Variants in GRIA2 observed in about 807,000 individuals in gnomAD.
GRIA2 encodes glutamate ionotropic receptor AMPA type subunit 2, also known as glutamate receptor 2.
In GRIA2, 14 loss-of-function variants were observed where a neutral mutation model predicts 97.3. That is an observed-to-expected ratio of 0.14 (90% CI 0.10 to 0.23). The LOEUF is 0.23. Ranked by LOEUF, GRIA2 falls within the 10% of genes least tolerant of loss-of-function variation. The probability of loss-of-function intolerance (pLI) is 1.00; values close to 1 mark genes in which losing one functional copy is unlikely to be tolerated. For missense variants in GRIA2, 558 were observed against 1,069.8 expected (o/e 0.52, Z 6.67); for synonymous variants, 412 against 387.8 (o/e 1.06, Z -0.73).
At chr4:157,224,896 A>G (rs772837688) in intron 2 of GRIA2, among the ~76,000 whole-genome samples, 9 of 152,130 alleles carry the variant, frequency 5.9e-5, no homozygotes, top group Non-Finnish European at 1.0e-4. Flanking sequence ...TAATGACATT[A>G]TTAGATGATA....
At position 157,361,125 on chromosome 4, in the gene GRIA2, G is replaced by GGGAGA. The variant is rs1736612892; in HGVS notation, c.2406+1_2406+2insGGAGA. ...CGGCAGCGGGGGAGGTGATTCCAAGGTCAGCCCCAGTGAGAAAAGTAATGG... is the reference window on the plus strand; with the variant it reads ...CGGCAGCGGGGGAGGTGATTCCAAGGGGAGATCAGCCCCAGTGAGAAAAGTAATGG... On this transcript the variant is annotated splice_donor_variant, in intron 14 of 15. Coordinates refer to ENST00000264426, the MANE Select transcript of GRIA2 (RefSeq NM_001083619.3). LOFTEE classifies it high-confidence loss of function. The surrounding 1 kb of genome is among the most constrained non-coding windows in gnomAD (Gnocchi z 5.2). The GGGAGA allele has an allele frequency of 6.3e-7, 1 of 1,596,770 alleles. No individual in the cohort carries two copies. Among genetic ancestry groups the GGGAGA allele is most frequent in the African/African-American group, 1.3e-5 (1 of 74,570 alleles).
chr4:157,258,938 C>G (rs1391723831), intron 2 of GRIA2, among the ~76,000 whole-genome samples: 2 of 151,994 alleles, frequency 1.3e-5, no homozygotes, highest in Non-Finnish European at 2.9e-5. Context: ...AGGGGACACC[C>G]AGTTGTGGTG....
At position 157,363,611 on chromosome 4, in the gene GRIA2, CT is replaced by C; in HGVS notation, c.*184del. The C allele has an allele frequency of 8.2e-7, 1 of 1,223,802 alleles. No individual in the cohort carries two copies. The highest frequency in any genetic ancestry group is 1.0e-6 in the Non-Finnish European group (1 of 978,742). The allele number at this position is 1,223,802 out of a possible 1,614,324, so 75.8% of individuals were successfully genotyped here. ...CTGATCTCTCGTGATTGATAAGAAC[CT>C]TTTGAGTGCCTTACACAATGGTTTT... On this transcript the variant is annotated 3_prime_UTR_variant, in exon 16 of 16. Coordinates refer to ENST00000264426, the MANE Select transcript of GRIA2 (RefSeq NM_001083619.3).
intron 2 of GRIA2, among the ~76,000 whole-genome samples, chr4:157,256,339 TG>T (rs1731273054): frequency 7.0e-6 from 1 of 143,802 alleles, no homozygotes; most frequent in Non-Finnish European, 1.5e-5. Flanking sequence ...TATACAGTTA[TG>T]AGAGGTTTCC....
chr4:157,227,131 A>G (rs1729784556), intron 2 of GRIA2, among the ~76,000 whole-genome samples: 1 of 152,178 alleles, frequency 6.6e-6, no homozygotes, highest in African/African-American at 2.4e-5. Context: ...AGAGGCTTAA[A>G]TTAGTAAAAA....
At chr4:157,308,491 A>ATAGT (rs10672332) in intron 3 of GRIA2, among the ~76,000 whole-genome samples, 54,148 of 151,842 alleles carry the variant, frequency 0.36, 10,144 homozygotes, top group African/African-American at 0.48. Context: ...ACCAGGAGGA[A>ATAGT]TAATCTTCCA....
chr4:157,349,993 T>C (rs1382129682), intron 12 of GRIA2, among the ~76,000 whole-genome samples: 1 of 152,180 alleles, frequency 6.6e-6, no homozygotes, highest in African/African-American at 2.4e-5. Flanking sequence ...ATAACATTTA[T>C]TGAGTTAATC....
intron 2 of GRIA2, among the ~76,000 whole-genome samples, chr4:157,258,209 C>G (rs1731365458): frequency 6.6e-6 from 1 of 152,074 alleles, no homozygotes. Flanking sequence ...ACTATTAGGT[C>G]TGGCTGCCTG....
chr4:157,240,254 A>C (rs1730444370), intron 2 of GRIA2, among the ~76,000 whole-genome samples: 1 of 152,120 alleles, frequency 6.6e-6, no homozygotes. Flanking sequence ...AAAAGGCATA[A>C]ATGCCTTCAT....
intron 4 of GRIA2, among the ~76,000 whole-genome samples, chr4:157,314,999 A>G (rs1372258198): frequency 2.0e-5 from 3 of 152,250 alleles, no homozygotes; most frequent in Admixed American, 6.5e-5. Context: ...AATGCAATGT[A>G]GTCTAGGACA....
intron 12 of GRIA2, among the ~76,000 whole-genome samples, chr4:157,356,585 T>C (rs1316119449): frequency 1.3e-5 from 2 of 152,142 alleles, no homozygotes; most frequent in Non-Finnish European, 2.9e-5. Context: ...TTGAGGCAAT[T>C]CGATTTGTCT....
At chr4:157,313,568 G>T (rs772185140) in intron 4 of GRIA2, among the ~76,000 whole-genome samples, 7 of 152,020 alleles carry the variant, frequency 4.6e-5, no homozygotes, top group Non-Finnish European at 7.4e-5. Context: ...GAGCCATGCA[G>T]TGTTATCTTA....
intron 2 of GRIA2, among the ~76,000 whole-genome samples, chr4:157,297,937 T>C: frequency 6.6e-6 from 1 of 151,952 alleles, no homozygotes; most frequent in East Asian, 1.9e-4. Flanking sequence ...TTTTTATCAG[T>C]AAATAAAGGA....
At chr4:157,293,549 T>A (rs572140274) in intron 2 of GRIA2, among the ~76,000 whole-genome samples, 1 of 152,276 alleles carries the variant, frequency 6.6e-6, no homozygotes, top group South Asian at 2.1e-4. Context: ...CACATTATTG[T>A]TAACAAGGGT....
chr4:157,229,494 C>T (rs548223212), intron 2 of GRIA2, among the ~76,000 whole-genome samples: 2 of 152,188 alleles, frequency 1.3e-5, no homozygotes, highest in East Asian at 1.9e-4. Context: ...TAGGAGATAC[C>T]AGGTTCCTTA....
At chr4:157,329,321 A>T (rs551637437) in intron 6 of GRIA2, among the ~76,000 whole-genome samples, 1 of 152,150 alleles carries the variant, frequency 6.6e-6, no homozygotes, top group South Asian at 2.1e-4. Flanking sequence ...CTCCAGAGGA[A>T]TATCAATCAA....
At chr4:157,267,564 C>T (rs560455718) in intron 2 of GRIA2, among the ~76,000 whole-genome samples, 12 of 152,030 alleles carry the variant, frequency 7.9e-5, no homozygotes, top group African/African-American at 2.6e-4. Flanking sequence ...AAACATTTTG[C>T]CTGTATGTTA....
chr4:157,360,930 G>T, intron 13 of GRIA2, 80 bp from the exon 14 acceptor site: 1 of 1,073,226 alleles, frequency 9.3e-7, no homozygotes, highest in Non-Finnish European at 1.4e-6. Context: ...AGAAGCCAAA[G>T]AAAAACAAAT....
At chr4:157,262,802 G>T (rs1016133174) in intron 2 of GRIA2, among the ~76,000 whole-genome samples, 2 of 151,926 alleles carry the variant, frequency 1.3e-5, no homozygotes, top group Non-Finnish European at 2.9e-5. Flanking sequence ...TAAGAGCAAA[G>T]TACCGAAGTC....
Sources: gnomAD v4.1 joint callset for allele counts (sites outside exome capture counted in the v4.1 genomes callset) on GRCh38, gnomAD v4.1.1 for gene constraint, Gnocchi (gnomAD v3.1) non-coding constraint, MANE v1.5 for transcripts, NCBI Gene and HGNC (gene_info 2026-07-23, HGNC 2026-07-21) for gene names.